The following CELSR1 variants were observed in gnomAD, a reference collection of about 807,000 sequenced individuals.
The protein encoded by CELSR1 is cadherin EGF LAG seven-pass G-type receptor 1, also known as adhesion G protein-coupled receptor C1.
Under a neutral mutation model 249.1 loss-of-function variants are expected in CELSR1, and 110 were observed. The observed-to-expected ratio is 0.44, with a 90% CI of 0.38 to 0.52. The LOEUF (loss-of-function observed/expected upper bound fraction) is 0.52. Among genes scored for constraint, CELSR1 ranks in the 20% least tolerant of loss-of-function variants. CELSR1 has a pLI of 0.00. For missense variants in CELSR1, 4,109 were observed against 4,296.4 expected (o/e 0.96, Z 1.22); for synonymous variants, 2,113 against 1,900.0 (o/e 1.11, Z -2.92).
intron 23 of CELSR1, 60 bp from the exon 24 acceptor site, chr22:46,377,321 A>G: frequency 1.3e-6 from 2 of 1,523,572 alleles, no homozygotes; most frequent in East Asian, 2.3e-5. Context: ...AGATCTGGTC[A>G]TTGCATAACA....
chr22:46,443,399 T>A (rs1051379841), intron 2 of CELSR1, among the ~76,000 whole-genome samples: 3 of 151,678 alleles, frequency 2.0e-5, no homozygotes, highest in African/African-American at 7.3e-5. Context: ...AACAGAGGGG[T>A]TTCCCACCCC....
Position 46,365,365 on chromosome 22 carries a change from G to A in CELSR1, c.8420C>T (p.Ser2807Leu). The A allele has an allele frequency of 3.1e-6, 5 of 1,612,808 alleles. No individual in the cohort carries two copies. Among genetic ancestry groups the A allele is most frequent in the Non-Finnish European group, 4.2e-6 (5 of 1,179,934 alleles). Residue 2807 changes from serine (S) to leucine (L), a missense_variant, in exon 32 of 35, where the codon TCA (serine) becomes TTA (leucine). Around this residue, in one of 7 missense-constraint regions of CELSR1, gnomAD observed 1,805 missense variants for 1,831.6 expected, o/e 0.99. Coordinates refer to ENST00000674500, the MANE Select transcript of CELSR1 (RefSeq NM_001378328.1). ...CTCATCCAGGGACAGCTCGCTATCT[G>A]AGTCGGAATCGTGGCCTGTGGATGC... ...CKDPPGHDSD[S>L]DSELSLDEQS...
intron 20 of CELSR1, among the ~76,000 whole-genome samples, chr22:46,382,711 C>T (rs1439769501): frequency 6.6e-6 from 1 of 152,202 alleles, no homozygotes; most frequent in Non-Finnish European, 1.5e-5. Flanking sequence ...GAATATTACT[C>T]AGCCTTCAAA....
In CELSR1 at chr22:46,527,573, G is replaced by A. The variant is rs987226795; in HGVS notation, c.3544+6054C>T. On this transcript the variant is annotated intron_variant, in intron 1 of 34. Transcript: ENST00000674500. This position sits in a 1 kb window ranked among gnomAD's most constrained non-coding sequence, Gnocchi z 5.5. ...TCGGATGGTCCATCTCCACCCAGCCGCAGAAGTCAGGACCACACTGGCTCT... is the reference window on the plus strand; with the variant it reads ...TCGGATGGTCCATCTCCACCCAGCCACAGAAGTCAGGACCACACTGGCTCT... Among the ~76,000 whole-genome samples, 3 of 152,184 alleles carry A rather than the reference G, an allele frequency of 2.0e-5. No homozygotes were observed. Among genetic ancestry groups the A allele is most frequent in the Admixed American group, 6.5e-5 (1 of 15,276 alleles).
chr22:46,422,112 T>A (rs1569152058), intron 5 of CELSR1, among the ~76,000 whole-genome samples: 3 of 114,772 alleles, frequency 2.6e-5, no homozygotes, highest in Admixed American at 1.5e-4. Context: ...TTATTTTTTT[T>A]GTTTTATTTT....
At chr22:46,501,356 C>T (rs1307270640) in intron 1 of CELSR1, among the ~76,000 whole-genome samples, 1 of 152,052 alleles carries the variant, frequency 6.6e-6, no homozygotes, top group Non-Finnish European at 1.5e-5. Context: ...CAGGCATGCA[C>T]CACCACGCCG....
Position 46,437,959 on chromosome 22 carries a change from T to C in CELSR1, c.4406+1230A>G, listed in dbSNP as rs116810274. Among the ~76,000 whole-genome samples, 1,270 of 152,244 alleles carry C rather than the reference T, an allele frequency of 8.3e-3. 21 individuals carry two copies. Among genetic ancestry groups the C allele is most frequent in the African/African-American group, 0.029 (1,211 of 41,518 alleles). On this transcript the variant is annotated intron_variant, in intron 3 of 34. Transcript: ENST00000674500. The surrounding 1 kb of genome is among the most constrained non-coding windows in gnomAD (Gnocchi z 4.9). Reference sequence around the variant, plus strand: ...TTCCTGAGACTCAGCCCCTGGGTCATACCTGATTGCCTTTGGTGGGTTTCA... The same window carrying C: ...TTCCTGAGACTCAGCCCCTGGGTCACACCTGATTGCCTTTGGTGGGTTTCA...
At chr22:46,496,239 C>G (rs942176372) in intron 1 of CELSR1, among the ~76,000 whole-genome samples, 4 of 151,284 alleles carry the variant, frequency 2.6e-5, no homozygotes, top group Non-Finnish European at 5.9e-5. Flanking sequence ...TGTAACAACA[C>G]TTAGCTTAAA....
In CELSR1 at chr22:46,372,833, GTC is replaced by G; in HGVS notation, c.7759+48_7759+49del. 1.9e-6 allele frequency: 3 copies of G among 1,552,012 alleles called. No individual in the cohort carries two copies. The East Asian group carries it at 6.8e-5, about 35-fold the overall frequency. ...AGGGCAGCGTTCCTGCACAGCTGGG[GTC>G]TGTTGGAAATCTGTGGTTTTATGCA... On this transcript the variant is annotated intron_variant, in intron 25 of 34. Coordinates refer to ENST00000674500, the MANE Select transcript of CELSR1 (RefSeq NM_001378328.1).
intron 25 of CELSR1, among the ~76,000 whole-genome samples, chr22:46,372,359 C>T (rs1477653141): frequency 1.4e-5 from 2 of 146,548 alleles, no homozygotes; most frequent in Non-Finnish European, 3.0e-5. Flanking sequence ...TCGCTCCCCA[C>T]CCATCCATCC....
rs1261173007 is a variant in CELSR1, at chr22:46,433,406, T to C, written c.4598A>G (p.Gln1533Arg). 2 of 1,613,628 alleles carry C rather than the reference T, an allele frequency of 1.2e-6. No individual in the cohort carries two copies. The highest frequency in any genetic ancestry group is 1.1e-5 in the South Asian group (1 of 91,070). ...GGCCCATCTTACCTTGTTGTAGTAC[T>C]GCACCTGCACAGAGTGCCACCGCCC... ...SDGRWHSVQV[Q>R]YYNKPNIGHL... Residue 1533 changes from glutamine to arginine, a missense_variant, in exon 5 of 35, where the codon CAG becomes CGG. Physicochemically the swap from Gln to Arg is conservative, Grantham distance 43. Around this residue, in one of 7 missense-constraint regions of CELSR1, gnomAD observed 453 missense variants for 492.0 expected, o/e 0.92. Coordinates refer to ENST00000674500, the MANE Select transcript of CELSR1 (RefSeq NM_001378328.1). This position sits in a 1 kb window ranked among gnomAD's most constrained non-coding sequence, Gnocchi z 5.7.
intron 2 of CELSR1, among the ~76,000 whole-genome samples, chr22:46,453,746 A>G (rs1040475): frequency 0.45 from 67,697 of 152,038 alleles, 16,102 homozygotes; most frequent in African/African-American, 0.61. Flanking sequence ...AGCAGCTCCC[A>G]GCAGCCCTGG....
At position 46,437,252 on chromosome 22, in the gene CELSR1, C is replaced by T. The variant is rs1298999703; in HGVS notation, c.4407-963G>A. Among the ~76,000 whole-genome samples, 1 of 152,194 alleles carries T rather than the reference C, an allele frequency of 6.6e-6. No homozygotes were observed. Reference sequence around the variant, plus strand: ...GGGGGTCTTCAGACCCAAATCACCACAACACCTCCCCCACCTCCCTGGTTT... The same window carrying T: ...GGGGGTCTTCAGACCCAAATCACCATAACACCTCCCCCACCTCCCTGGTTT... On this transcript the variant is annotated intron_variant, in intron 3 of 34. Coordinates refer to ENST00000674500, the MANE Select transcript of CELSR1 (RefSeq NM_001378328.1). The surrounding 1 kb of genome is among the most constrained non-coding windows in gnomAD (Gnocchi z 4.9).
At chr22:46,382,406 T>C (rs536317364) in intron 20 of CELSR1, among the ~76,000 whole-genome samples, 18 of 151,948 alleles carry the variant, frequency 1.2e-4, no homozygotes, top group African/African-American at 4.3e-4. Context: ...GCCTCCCGAG[T>C]AGCTGGGATT....
At chr22:46,415,264 C>A (rs1401001399) in intron 5 of CELSR1, among the ~76,000 whole-genome samples, 1 of 152,186 alleles carries the variant, frequency 6.6e-6, no homozygotes, top group Non-Finnish European at 1.5e-5. Flanking sequence ...ATTCTCCTGC[C>A]TCAGCCTCCC....
Position 46,399,608 on chromosome 22 carries a change from C to T in CELSR1, c.5412+109G>A. The T allele has an allele frequency of 8.5e-7, 1 of 1,182,918 alleles. No individual in the cohort carries two copies. Among genetic ancestry groups the T allele is most frequent in the Non-Finnish European group, 1.2e-6 (1 of 821,070 alleles). The allele number at this position is 1,182,918 out of a possible 1,614,324, so 73.3% of individuals were successfully genotyped here. Reference sequence around the variant, plus strand: ...CTGCGGGGACCCAGAAAGTGCCTCCCCAAATCCACAAGGTCTCTGGTGGGT... The same window carrying T: ...CTGCGGGGACCCAGAAAGTGCCTCCTCAAATCCACAAGGTCTCTGGTGGGT... On this transcript the variant is annotated intron_variant, in intron 10 of 34. Transcript: ENST00000674500. This position sits in a 1 kb window ranked among gnomAD's most constrained non-coding sequence, Gnocchi z 5.0.
At chr22:46,405,889 G>A (rs1269823653) in intron 9 of CELSR1, among the ~76,000 whole-genome samples, 4 of 152,154 alleles carry the variant, frequency 2.6e-5, no homozygotes, top group South Asian at 2.1e-4. Context: ...CTTCGGTAAC[G>A]TGTGGTTGAC....
In CELSR1 at chr22:46,378,672, C is replaced by G. The variant is rs746469321; in HGVS notation, c.7302G>C (p.Leu2434=). The G allele has an allele frequency of 1.9e-6, 3 of 1,611,594 alleles. No homozygotes were observed. The African/African-American group carries it at 4.0e-5, about 21-fold the overall frequency. ...GGWSARGCEL[L]SRNRTHVACQ... ...AGGCGACATGTGTCCGGTTCCTGGACAGGAGCTCGCAGCCCCGGGCAGACC... is the reference window on the plus strand; with the variant it reads ...AGGCGACATGTGTCCGGTTCCTGGAGAGGAGCTCGCAGCCCCGGGCAGACC... The change falls in exon 23 of 35, where the codon CTG becomes CTC. Residue 2434 remains leucine (L), a synonymous_variant. Transcript: ENST00000674500.
At chr22:46,424,074 A>G (rs369392024) in intron 5 of CELSR1, among the ~76,000 whole-genome samples, 2 of 149,542 alleles carry the variant, frequency 1.3e-5, no homozygotes, top group East Asian at 1.9e-4. Flanking sequence ...TTAAAAAAAA[A>G]TTTTTTTTTA....
Sources: gnomAD v4.1 joint callset for allele counts (sites outside exome capture counted in the v4.1 genomes callset) on GRCh38, gnomAD v4.1.1 for gene constraint, gnomAD v4.1.1 regional missense constraint, Gnocchi (gnomAD v3.1) non-coding constraint, MANE v1.5 for transcripts, NCBI Gene and HGNC (gene_info 2026-07-23, HGNC 2026-07-21) for gene names.